GNAI1: variants seen among roughly 807,000 people sequenced by gnomAD.
The protein encoded by GNAI1 is guanine nucleotide-binding protein G(i) subunit alpha-1.
Under a neutral mutation model 38.9 loss-of-function variants are expected in GNAI1, and 11 were observed. That is an observed-to-expected ratio of 0.28 (90% CI 0.18 to 0.47). The LOEUF is 0.47. Among genes scored for constraint, GNAI1 ranks in the 20% least tolerant of loss-of-function variants. GNAI1 has a pLI of 0.99. For synonymous variants in GNAI1, 166 were observed against 145.1 expected (o/e 1.14, Z -1.04); for missense variants, 317 against 436.9 (o/e 0.73, Z 2.45).
intron 1 of GNAI1, among the ~76,000 whole-genome samples, chr7:80,173,512 T>G (rs80082077): frequency 0.027 from 4,088 of 152,226 alleles, 187 homozygotes; most frequent in African/African-American, 0.093. Context: ...ATTTTAAAAG[T>G]CCACTTATAT....
chr7:80,182,792 G>C (rs535601168), intron 1 of GNAI1, among the ~76,000 whole-genome samples: 208 of 152,248 alleles, frequency 1.4e-3, no homozygotes, highest in African/African-American at 5.0e-3. Context: ...CCCATTACAT[G>C]CATGTTCACG....
At chr7:80,151,324 A>G (rs1315396222) in intron 1 of GNAI1, among the ~76,000 whole-genome samples, 1 of 152,154 alleles carries the variant, frequency 6.6e-6, no homozygotes, top group Non-Finnish European at 1.5e-5. Flanking sequence ...GTATTGCAAA[A>G]TCACTTCAAT....
At chr7:80,190,203 G>A (rs1332612852) in intron 3 of GNAI1, among the ~76,000 whole-genome samples, 1 of 151,990 alleles carries the variant, frequency 6.6e-6, no homozygotes, top group Non-Finnish European at 1.5e-5. Context: ...AAAAATGAAT[G>A]AAAGCAATAT....
chr7:80,160,390 G>A (rs910582862), intron 1 of GNAI1, among the ~76,000 whole-genome samples: 1 of 151,836 alleles, frequency 6.6e-6, no homozygotes, highest in Admixed American at 6.6e-5. Flanking sequence ...TATTCTGTAA[G>A]AGAAGAACTG....
At chr7:80,195,579 A>G (rs1485486183) in intron 3 of GNAI1, among the ~76,000 whole-genome samples, 1 of 152,046 alleles carries the variant, frequency 6.6e-6, no homozygotes, top group Non-Finnish European at 1.5e-5. Context: ...AACAGAACCA[A>G]TGACAAAAAA....
chr7:80,146,886 AAC>A (rs1293532316), intron 1 of GNAI1, among the ~76,000 whole-genome samples: 6 of 152,228 alleles, frequency 3.9e-5, no homozygotes, highest in African/African-American at 9.6e-5. Context: ...CATGTACATG[AAC>A]ACACACATAT....
intron 5 of GNAI1, among the ~76,000 whole-genome samples, chr7:80,204,566 A>G (rs187939319): frequency 1.2e-4 from 18 of 152,304 alleles, no homozygotes; most frequent in Non-Finnish European, 1.8e-4. Context: ...GGACTTAAAC[A>G]CAACGAAATA....
intron 1 of GNAI1, among the ~76,000 whole-genome samples, chr7:80,185,033 C>G (rs977635934): frequency 6.6e-6 from 1 of 152,120 alleles, no homozygotes; most frequent in Non-Finnish European, 1.5e-5. Flanking sequence ...TTTCTCTTTT[C>G]TTCTTGAAGT....
rs554250946 is a variant in GNAI1 at position 80,205,410 on chromosome 7, A to T, written c.590+1578A>T. On this transcript the variant is annotated intron_variant, in intron 5 of 7. Transcript: ENST00000649796. ...CAATTAGATATCATCTCTCAGCTGC[A>T]GAGCTTTATAGATACGTTGACCCAA... 1.4e-3 allele frequency among the ~76,000 whole-genome samples: 209 copies of T among 152,284 alleles called. 1 individual carries two copies. The highest frequency in any genetic ancestry group is 1.9e-3 in the Non-Finnish European group (126 of 68,010).
intron 4 of GNAI1, 112 bp from the exon 5 acceptor site, chr7:80,203,590 CTT>C (rs1217570195): frequency 1.6e-6 from 1 of 644,960 alleles, no homozygotes; most frequent in African/African-American, 1.9e-5. Context: ...AATTTAAAAA[CTT>C]TTAGTGATTT....
At chr7:80,192,905 G>T (rs1435436620) in intron 3 of GNAI1, among the ~76,000 whole-genome samples, 3 of 152,024 alleles carry the variant, frequency 2.0e-5, no homozygotes, top group Admixed American at 6.6e-5. Context: ...CACCTTGTTG[G>T]CCAGGCTGGT....
In GNAI1 at chr7:80,203,861, A is replaced by G. The variant is rs559400207; in HGVS notation, c.590+29A>G. 23 of 1,268,054 alleles carry G rather than the reference A, an allele frequency of 1.8e-5. No homozygotes were observed. The African/African-American group carries it at 2.0e-4, about 11-fold the overall frequency. 78.6% of individuals were successfully genotyped at this position (1,268,054 alleles called of 1,614,324 possible). A position where few individuals can be genotyped will look rare whatever the true frequency, so the allele number is the denominator to read the frequency against. On this transcript the variant is annotated intron_variant, in intron 5 of 7. Transcript: ENST00000649796. ...AGTAGCTTTGAAATATATGATTTCT[A>G]AATTTAGATAAAAACACATTGCTTT...
At chr7:80,159,909 GTTAAGTGTATTGGGATA>G (rs1299126182) in intron 1 of GNAI1, among the ~76,000 whole-genome samples, 1 of 80,380 alleles carries the variant, frequency 1.2e-5, no homozygotes, top group Non-Finnish European at 2.4e-5. Flanking sequence ...AGAGATATAT[GTTAAGTGTATTGGGATA>G]TATGTTAAGT....
intron 1 of GNAI1, chr7:80,187,553 T>G (rs1788409930): frequency 6.6e-6 from 1 of 152,260 alleles, no homozygotes; most frequent in Non-Finnish European, 1.5e-5. Context: ...TTTGAAGATG[T>G]GTGGCATGAG....
intron 1 of GNAI1, among the ~76,000 whole-genome samples, chr7:80,152,624 A>G (rs1787748306): frequency 7.3e-6 from 1 of 136,844 alleles, no homozygotes; most frequent in Non-Finnish European, 1.5e-5. Flanking sequence ...GCAGTGGCGC[A>G]TTCTCGGCTC....
At chr7:80,193,868 T>C (rs910765330) in intron 3 of GNAI1, among the ~76,000 whole-genome samples, 2 of 152,242 alleles carry the variant, frequency 1.3e-5, no homozygotes, top group Non-Finnish European at 2.9e-5. Flanking sequence ...ACACCGGTTC[T>C]TCATCACAGA....
In GNAI1 at chr7:80,200,334, A is replaced by AAAAAAAAAAAC. The variant is rs1788660441; in HGVS notation, c.461+962_461+963insCAAAAAAAAAA. Among the ~76,000 whole-genome samples the AAAAAAAAAAAC allele has an allele frequency of 2.0e-5, 3 of 149,978 alleles. 1 individual carries two copies. Among genetic ancestry groups the AAAAAAAAAAAC allele is most frequent in the Non-Finnish European group, 4.4e-5 (3 of 67,608 alleles). ...AGTGAGGCCATGTCTCAAAAAAAAAAAAAAAAAAAAAAACCTAATCAGGGA... is the reference window on the plus strand; with the variant it reads ...AGTGAGGCCATGTCTCAAAAAAAAAAAAAAAAAAAACAAAAAAAAAAAAACCTAATCAGGGA... On this transcript the variant is annotated intron_variant, in intron 4 of 7. Coordinates refer to ENST00000649796, the MANE Select transcript of GNAI1 (RefSeq NM_002069.6).
intron 1 of GNAI1, among the ~76,000 whole-genome samples, chr7:80,188,744 G>A (rs866838607): frequency 4.6e-5 from 7 of 152,030 alleles, no homozygotes; most frequent in African/African-American, 4.8e-5. Context: ...CAGTTCTCAT[G>A]TTGTATGTTA....
intron 5 of GNAI1, among the ~76,000 whole-genome samples, chr7:80,205,397 A>G (rs548010651): frequency 6.6e-6 from 1 of 152,238 alleles, no homozygotes; most frequent in African/African-American, 2.4e-5. Context: ...ATTAGATATC[A>G]TCTCTCAGCT....
Sources: allele counts gnomAD v4.1 joint callset (sites outside exome capture counted in the v4.1 genomes callset), GRCh38; gene constraint gnomAD v4.1.1; transcripts MANE v1.5; gene names NCBI Gene and HGNC (gene_info 2026-07-23, HGNC 2026-07-21).